Variants in AMBRA1 observed in about 807,000 individuals in gnomAD.
The protein encoded by AMBRA1 is autophagy and beclin 1 regulator 1.
Under a neutral mutation model 125.4 loss-of-function variants are expected in AMBRA1, and 47 were observed. The ratio of observed to expected loss-of-function variants is 0.37; its 90% CI spans 0.30 to 0.48. The LOEUF (loss-of-function observed/expected upper bound fraction) is 0.48. AMBRA1 is among the 20% of genes least tolerant of loss of function. The pLI is 0.99. For synonymous variants in AMBRA1, 626 were observed against 655.5 expected, an observed-to-expected ratio of 0.95 and a Z score of 0.69; for missense variants, 1,331 against 1,693.4, an observed-to-expected ratio of 0.79 and a Z score of 3.76.
intron 1 of AMBRA1, among the ~76,000 whole-genome samples, chr11:46,589,911 C>T (rs1331771807): frequency 4.0e-5 from 6 of 151,700 alleles, no homozygotes; most frequent in African/African-American, 1.2e-4. Context: ...TGTGAGCCAC[C>T]GCGCCCGGTC....
chr11:46,566,664 C>A (rs1330972248), intron 1 of AMBRA1, among the ~76,000 whole-genome samples: 1 of 152,158 alleles, frequency 6.6e-6, no homozygotes, highest in African/African-American at 2.4e-5. Flanking sequence ...AGCTTCATTG[C>A]AACTTTATCC....
chr11:46,423,266 G>A (rs193029814), intron 14 of AMBRA1, among the ~76,000 whole-genome samples: 1 of 151,994 alleles, frequency 6.6e-6, no homozygotes, highest in Admixed American at 6.6e-5. Flanking sequence ...GAGTTTCTTC[G>A]ACCCTAGGAA....
At chr11:46,497,899 A>T (rs1333304145) in intron 9 of AMBRA1, among the ~76,000 whole-genome samples, 1 of 152,208 alleles carries the variant, frequency 6.6e-6, no homozygotes, top group East Asian at 1.9e-4. Flanking sequence ...GTGGGAAAAG[A>T]AATTTCAATG....
chr11:46,563,063 G>T (rs944704112), intron 1 of AMBRA1, among the ~76,000 whole-genome samples: 1 of 151,008 alleles, frequency 6.6e-6, no homozygotes, highest in Non-Finnish European at 1.5e-5. Context: ...ATCCCAATGT[G>T]CTGAAACTAC....
intron 13 of AMBRA1, among the ~76,000 whole-genome samples, chr11:46,434,602 T>C (rs1325829942): frequency 6.6e-6 from 1 of 152,238 alleles, no homozygotes; most frequent in East Asian, 1.9e-4. Flanking sequence ...ATGTGTGTGC[T>C]ACAACCACCT....
At chr11:46,400,526 A>T (rs1945701117) in intron 17 of AMBRA1, among the ~76,000 whole-genome samples, 1 of 108,522 alleles carries the variant, frequency 9.2e-6, no homozygotes, top group Admixed American at 1.4e-4. Flanking sequence ...AGGTCTCGCT[A>T]TGTCACCTAA....
intron 1 of AMBRA1, among the ~76,000 whole-genome samples, chr11:46,555,033 C>T (rs1591110639): frequency 6.6e-6 from 1 of 152,116 alleles, no homozygotes; most frequent in Non-Finnish European, 1.5e-5. Flanking sequence ...GATTGCACCG[C>T]TGCACTCTTC....
At chr11:46,592,666 G>A (rs1278960126) in intron 1 of AMBRA1, among the ~76,000 whole-genome samples, 1 of 152,002 alleles carries the variant, frequency 6.6e-6, no homozygotes, top group Non-Finnish European at 1.5e-5. Context: ...TCTGAGGCAG[G>A]GGAATCGCTT....
At chr11:46,477,540 C>T (rs993916885) in intron 11 of AMBRA1, among the ~76,000 whole-genome samples, 1 of 151,712 alleles carries the variant, frequency 6.6e-6, no homozygotes, top group Non-Finnish European at 1.5e-5. Flanking sequence ...TGAGCTCTCA[C>T]TATGTTGCCC....
intron 7 of AMBRA1, among the ~76,000 whole-genome samples, chr11:46,529,036 G>A (rs1952101733): frequency 6.6e-6 from 1 of 152,168 alleles, no homozygotes; most frequent in Non-Finnish European, 1.5e-5. Flanking sequence ...TTCAGCCTCT[G>A]ATTCCTTTAT....
At chr11:46,429,861 C>T (rs1483346454) in intron 14 of AMBRA1, among the ~76,000 whole-genome samples, 4 of 151,842 alleles carry the variant, frequency 2.6e-5, no homozygotes, top group Admixed American at 2.0e-4. Context: ...AAAAGCTTAA[C>T]CTAAAAACAA....
rs2044690223 is a variant in AMBRA1, at chr11:46,593,730, G to GCGGC, written c.-121+94_-121+97dup. 9 of 382,992 alleles carry GCGGC rather than the reference G, an allele frequency of 2.3e-5. No individual in the cohort carries two copies. The Admixed American group carries it at 3.1e-4, about 13-fold the overall frequency. 23.7% of individuals were successfully genotyped at this position (382,992 alleles called of 1,614,324 possible). A position where few individuals can be genotyped will look rare whatever the true frequency, so the allele number is the denominator to read the frequency against. ...TAGCCCCTCCTCTGGCAGTGTCACG[G>GCGGC]CGGCCGGCCAGCCTGCCCACCCGCC... On this transcript the variant is annotated intron_variant, in intron 1 of 17. Coordinates refer to ENST00000683756, the MANE Select transcript of AMBRA1 (RefSeq NM_001387011.1).
intron 1 of AMBRA1, among the ~76,000 whole-genome samples, chr11:46,564,484 G>T (rs538573527): frequency 1.3e-5 from 2 of 151,986 alleles, no homozygotes; most frequent in Non-Finnish European, 2.9e-5. Context: ...AAGTGAAGGA[G>T]AGATTCAAAA....
chr11:46,587,864 T>C (rs1055302159), intron 1 of AMBRA1, among the ~76,000 whole-genome samples: 21 of 152,016 alleles, frequency 1.4e-4, no homozygotes, highest in African/African-American at 4.8e-4. Context: ...TAGGTAAGGG[T>C]TGAAACACAC....
chr11:46,592,095 G>A (rs897235772), intron 1 of AMBRA1, among the ~76,000 whole-genome samples: 2 of 150,966 alleles, frequency 1.3e-5, no homozygotes, highest in African/African-American at 4.9e-5. Flanking sequence ...ACAGGCATGC[G>A]CCACCACGCC....
rs189641012 is a variant in AMBRA1, at chr11:46,563,642, C to A, written c.-120-15142G>T. 1.5e-3 allele frequency among the ~76,000 whole-genome samples: 235 copies of A among 152,206 alleles called. 3 individuals carry two copies. The highest frequency in any genetic ancestry group is 2.4e-3 in the Non-Finnish European group (161 of 67,998). On this transcript the variant is annotated intron_variant, in intron 1 of 17. Coordinates refer to ENST00000683756, the MANE Select transcript of AMBRA1 (RefSeq NM_001387011.1). ...ATCACTTGAAGTCAGGAGTTTGAGA[C>A]CAGCCTGGCCAATGTAGTGAAACCC...
intron 11 of AMBRA1, among the ~76,000 whole-genome samples, chr11:46,451,212 A>C (rs1253580505): frequency 2.0e-5 from 3 of 152,240 alleles, no homozygotes; most frequent in Admixed American, 1.3e-4. Context: ...AAAGAAGCTT[A>C]AATCCAGTGA....
rs756709203 is a variant in AMBRA1, at chr11:46,542,332, C to A, written c.1685G>T (p.Arg562Leu). Residue 562 changes from arginine to leucine, a missense_variant, in exon 7 of 18, where the codon CGT becomes CTT. Physicochemically the swap from Arg to Leu is moderately radical, Grantham distance 102. Transcript: ENST00000683756. The surrounding 1 kb of genome is among the most constrained non-coding windows in gnomAD (Gnocchi z 5.9). The stretch of plus-strand genomic sequence containing the variant: ...AGCACGACAGCGATTCAGGTGGCCA[C>A]GGGACAGGTTGGAGTTGTTCTCACT... ...HSSENNSNLSRGHLNRCRACH... is the reference protein window; with the variant it reads ...HSSENNSNLSLGHLNRCRACH... 1.2e-6 allele frequency: 2 copies of A among 1,614,026 alleles called. No homozygotes were observed. Among genetic ancestry groups the A allele is most frequent in the East Asian group, 4.5e-5 (2 of 44,882 alleles).
intron 14 of AMBRA1, among the ~76,000 whole-genome samples, chr11:46,419,995 TACAC>T (rs34070050): frequency 1.5e-5 from 2 of 129,100 alleles, no homozygotes; most frequent in South Asian, 5.5e-4. Context: ...GTGTCCTCAA[TACAC>T]ACACACACAC....
Sources: allele counts gnomAD v4.1 joint callset (sites outside exome capture counted in the v4.1 genomes callset), GRCh38; gene constraint gnomAD v4.1.1; non-coding constraint Gnocchi (gnomAD v3.1); transcripts MANE v1.5; gene names NCBI Gene and HGNC (gene_info 2026-07-23, HGNC 2026-07-21).